The following C16orf74 variants were observed in gnomAD, a reference collection of about 807,000 sequenced individuals.
The protein encoded by C16orf74 is uncharacterized protein C16orf74.
A neutral mutation model predicts 6.5 loss-of-function variants in C16orf74; 10 were observed. The observed-to-expected ratio is 1.54, with a 90% confidence interval of 0.95 to 2.61. The LOEUF is 2.61. C16orf74 is among the 30% of genes most tolerant of loss of function. C16orf74 has a pLI of 0.00. For synonymous variants in C16orf74, 60 were observed against 42.5 expected, an observed-to-expected ratio of 1.41 and a Z score of -1.60; for missense variants, 141 against 105.9, an observed-to-expected ratio of 1.33 and a Z score of -1.45.
At chr16:85,739,220 G>A (rs2054277096) in intron 1 of C16orf74, among the ~76,000 whole-genome samples, 1 of 152,170 alleles carries the variant, frequency 6.6e-6, no homozygotes. Flanking sequence ...TGCTGGCCAG[G>A]CTTCCCAAAC....
chr16:85,710,066 G>A lies in C16orf74; in HGVS notation c.172+98C>T, dbSNP rs143146638. ...AACGAACCCAGTGGGAGGTGGGGACGCAAGCTAGGCCCCGTGGCCAGGAAG... is the reference window on the plus strand; with the variant it reads ...AACGAACCCAGTGGGAGGTGGGGACACAAGCTAGGCCCCGTGGCCAGGAAG... On this transcript the variant is annotated intron_variant, in intron 3 of 3. Transcript: ENST00000284245. The A allele has an allele frequency of 3.5e-4, 373 of 1,054,682 alleles. 1 individual carries two copies. In the African/African-American group the frequency reaches 5.4e-3, roughly 15 times the overall value. 65.3% of individuals were successfully genotyped at this position (1,054,682 alleles called of 1,614,324 possible). A position where few individuals can be genotyped will look rare whatever the true frequency, so the allele number is the denominator to read the frequency against.
At chr16:85,714,394 TTTATTTA>T (rs1171446774) in intron 2 of C16orf74, among the ~76,000 whole-genome samples, 10 of 64,080 alleles carry the variant, frequency 1.6e-4, no homozygotes, top group African/African-American at 2.6e-4. Context: ...TATTTATTTA[TTTATTTA>T]TTATTTATTT....
chr16:85,715,298 CCAGA>C (rs1188495671), intron 2 of C16orf74, among the ~76,000 whole-genome samples: 2 of 151,886 alleles, frequency 1.3e-5, no homozygotes, highest in East Asian at 1.9e-4. Context: ...TTGCCACCGC[CCAGA>C]CAATCTACTG....
At chr16:85,748,364 C>T (rs1463014359) in intron 1 of C16orf74, among the ~76,000 whole-genome samples, 3 of 151,904 alleles carry the variant, frequency 2.0e-5, no homozygotes, top group Non-Finnish European at 2.9e-5. Context: ...ATTTGGGAGG[C>T]TGAGGTGAGT....
intron 2 of C16orf74, among the ~76,000 whole-genome samples, chr16:85,729,283 C>G (rs536007145): frequency 6.6e-6 from 1 of 152,328 alleles, no homozygotes; most frequent in South Asian, 2.1e-4. Flanking sequence ...ACGTGCCAAC[C>G]CTTATAGGGT....
intron 2 of C16orf74, among the ~76,000 whole-genome samples, chr16:85,718,449 A>C (rs545470108): frequency 6.6e-6 from 1 of 152,306 alleles, no homozygotes; most frequent in Non-Finnish European, 1.5e-5. Context: ...CTCTTCCCCA[A>C]GGCACCATCA....
At chr16:85,735,019 T>C (rs2054228521) in intron 2 of C16orf74, among the ~76,000 whole-genome samples, 171 bp downstream of exon 2, 1 of 152,124 alleles carries the variant, frequency 6.6e-6, no homozygotes, top group African/African-American at 2.4e-5. Context: ...GGAGGGGTGC[T>C]CAGAGTCAGG....
At position 85,707,978 on chromosome 16, in the gene C16orf74, G is replaced by C. The variant is rs748505363; in HGVS notation, c.*30C>G. 6 of 1,547,674 alleles carry C rather than the reference G, an allele frequency of 3.9e-6. No homozygotes were observed. The highest frequency in any genetic ancestry group is 5.2e-6 in the Non-Finnish European group (6 of 1,144,294). ...ACCTGAAGCCGGGCCGCTGGAGCAG[G>C]AGCCAGCCAGCCAAACCCAGGACAC... On this transcript the variant is annotated 3_prime_UTR_variant, in exon 4 of 4. Transcript: ENST00000284245.
At chr16:85,739,501 C>G (rs1465903652) in intron 1 of C16orf74, among the ~76,000 whole-genome samples, 2 of 152,156 alleles carry the variant, frequency 1.3e-5, no homozygotes, top group Non-Finnish European at 2.9e-5. Context: ...CTGTGGGGCA[C>G]AGGGAGGCGT....
chr16:85,728,914 C>T (rs1239992364), intron 2 of C16orf74, among the ~76,000 whole-genome samples: 1 of 152,170 alleles, frequency 6.6e-6, no homozygotes, highest in African/African-American at 2.4e-5. Flanking sequence ...CACTGGAATC[C>T]CCCCGGAGGA....
At chr16:85,747,077 T>A (rs1476677359) in intron 1 of C16orf74, among the ~76,000 whole-genome samples, 1 of 151,898 alleles carries the variant, frequency 6.6e-6, no homozygotes, top group Non-Finnish European at 1.5e-5. Flanking sequence ...CCCACCGAAA[T>A]CCCCACCTGC....
At chr16:85,735,651 G>A (rs2054236145) in intron 1 of C16orf74, among the ~76,000 whole-genome samples, 1 of 151,990 alleles carries the variant, frequency 6.6e-6, no homozygotes, top group Non-Finnish European at 1.5e-5. Flanking sequence ...GTGGCCCAGA[G>A]GCCCCCATGG....
intron 2 of C16orf74, among the ~76,000 whole-genome samples, chr16:85,721,967 G>C (rs1453129512): frequency 7.1e-6 from 1 of 140,474 alleles, no homozygotes; most frequent in Non-Finnish European, 1.5e-5. Context: ...CATTGGAATA[G>C]AGATTCTAAC....
At chr16:85,732,453 G>A (rs555631230) in intron 2 of C16orf74, among the ~76,000 whole-genome samples, 1 of 151,742 alleles carries the variant, frequency 6.6e-6, no homozygotes, top group African/African-American at 2.4e-5. Flanking sequence ...ATCACTTGAG[G>A]TCAGGAGTTC....
intron 2 of C16orf74, among the ~76,000 whole-genome samples, chr16:85,723,583 C>T (rs1358591879): frequency 2.6e-5 from 4 of 152,144 alleles, no homozygotes; most frequent in African/African-American, 4.8e-5. Flanking sequence ...AGGGGGTTCA[C>T]TGGCAAAGCT....
At chr16:85,748,455 G>A (rs1031594489) in intron 1 of C16orf74, among the ~76,000 whole-genome samples, 14 of 151,974 alleles carry the variant, frequency 9.2e-5, no homozygotes, top group Middle Eastern at 3.4e-3. Context: ...AAAATTAGCC[G>A]GGCATGGTGG....
chr16:85,733,657 G>C (rs180764971), intron 2 of C16orf74, among the ~76,000 whole-genome samples: 54 of 152,272 alleles, frequency 3.5e-4, no homozygotes, highest in African/African-American at 1.3e-3. Context: ...GTTTCAAGGG[G>C]TTAGGCTTGA....
At chr16:85,719,126 C>T (rs2054053748) in intron 2 of C16orf74, among the ~76,000 whole-genome samples, 1 of 152,224 alleles carries the variant, frequency 6.6e-6, no homozygotes, top group Non-Finnish European at 1.5e-5. Context: ...GCTTATGTCA[C>T]CCTCCTTTGC....
chr16:85,731,961 G>A (rs2054193422), intron 2 of C16orf74, among the ~76,000 whole-genome samples: 2 of 152,240 alleles, frequency 1.3e-5, no homozygotes, highest in South Asian at 4.1e-4. Context: ...AAAGTGTTGG[G>A]ACTACAGGCA....
Sources: gnomAD v4.1 joint callset for allele counts (sites outside exome capture counted in the v4.1 genomes callset) on GRCh38, gnomAD v4.1.1 for gene constraint, MANE v1.5 for transcripts, NCBI Gene and HGNC (gene_info 2026-07-23, HGNC 2026-07-21) for gene names.